The following KCNMA1 variants were observed in gnomAD, a reference collection of about 807,000 sequenced individuals.
The protein encoded by KCNMA1 is potassium calcium-activated channel subfamily M alpha 1, also known as Calcium-activated potassium channel subunit alpha-1.
In KCNMA1, 29 loss-of-function variants were observed where a neutral mutation model predicts 140.0. The observed-to-expected ratio is 0.21, with a 90% confidence interval of 0.15 to 0.28. The LOEUF is 0.28. Ranked by LOEUF, KCNMA1 falls within the 10% of genes least tolerant of loss-of-function variation. The pLI, the probability that KCNMA1 is intolerant of heterozygous loss-of-function variation, is 1.00. For missense variants in KCNMA1, 880 were observed against 1,602.2 expected, an observed-to-expected ratio of 0.55 and a Z score of 7.70; for synonymous variants, 612 against 611.9, an observed-to-expected ratio of 1.00 and a Z score of 0.00.
intron 5 of KCNMA1, among the ~76,000 whole-genome samples, chr10:77,134,452 ACTATTTTAT>A (rs2097934890): frequency 6.6e-6 from 1 of 152,140 alleles, no homozygotes; most frequent in Non-Finnish European, 1.5e-5. Flanking sequence ...ATTAAATGAA[ACTATTTTAT>A]CTTAACTTGG....
chr10:77,086,669 T>A, intron 10 of KCNMA1, 76 bp from the exon 11 acceptor site: 1 of 1,020,548 alleles, frequency 9.8e-7, no homozygotes, highest in Non-Finnish European at 1.5e-6. Flanking sequence ...CCTTCCTCTC[T>A]AATTTCCACA....
chr10:77,424,667 G>A (rs142424652), intron 1 of KCNMA1, among the ~76,000 whole-genome samples: 1 of 152,154 alleles, frequency 6.6e-6, no homozygotes, highest in African/African-American at 2.4e-5. Context: ...ACTAAATCAA[G>A]GTAGAATATG....
chr10:77,562,890 C>T lies in KCNMA1; in HGVS notation c.378+74375G>A, dbSNP rs564256911. Among the ~76,000 whole-genome samples the T allele has an allele frequency of 2.8e-4, 43 of 152,282 alleles. No homozygotes were observed. In the East Asian group the frequency reaches 7.7e-3, roughly 27 times the overall value. ...CATCTTAACAAAGTAGACATTGCAA[C>T]GCAATAAAGTAGTGAGACTCATGGT... On this transcript the variant is annotated intron_variant, in intron 1 of 27. Transcript: ENST00000286628.
chr10:77,237,059 C>T (rs1335776779), intron 3 of KCNMA1, among the ~76,000 whole-genome samples: 1 of 152,214 alleles, frequency 6.6e-6, no homozygotes, highest in Non-Finnish European at 1.5e-5. Context: ...CTCTTTACTG[C>T]CTTACAATAC....
intron 1 of KCNMA1, among the ~76,000 whole-genome samples, chr10:77,552,217 G>A (rs1031894927): frequency 5.9e-5 from 9 of 152,182 alleles, no homozygotes; most frequent in African/African-American, 7.2e-5. Flanking sequence ...CCTGAGGGCC[G>A]TGGCTGCCTG....
chr10:77,570,960 T>A lies in KCNMA1; in HGVS notation c.378+66305A>T, dbSNP rs565101182. ...AAAAAAAAATACTTTCTTTGATATA[T>A]CTTTATGAGAATTGCTATCTTAATG... On this transcript the variant is annotated intron_variant, in intron 1 of 27. Coordinates refer to ENST00000286628, the MANE Select transcript of KCNMA1 (RefSeq NM_001161352.2). Among the ~76,000 whole-genome samples, 39 of 152,076 alleles carry A rather than the reference T, an allele frequency of 2.6e-4. 2 individuals carry two copies. In the South Asian group the frequency reaches 7.7e-3, roughly 30 times the overall value.
At chr10:77,008,320 A>T in intron 18 of KCNMA1, 2 of 921,298 alleles carry the variant, frequency 2.2e-6, no homozygotes, top group Non-Finnish European at 3.2e-6. Context: ...CAAACTAGAC[A>T]TTACTTGTCC....
intron 2 of KCNMA1, among the ~76,000 whole-genome samples, chr10:77,296,914 G>GA (rs553150841): frequency 6.7e-6 from 1 of 149,904 alleles, no homozygotes; most frequent in Non-Finnish European, 1.5e-5. Context: ...TGTGTGGGCG[G>GA]GGGGGCGGTG....
chr10:76,888,042 G>A (rs2038027945), intron 27 of KCNMA1: 1 of 173,096 alleles, frequency 5.8e-6, no homozygotes, highest in Admixed American at 5.4e-5. Flanking sequence ...CTACTTATCA[G>A]CACTACTTTG....
chr10:77,270,608 G>A (rs937369049), intron 2 of KCNMA1, among the ~76,000 whole-genome samples: 3 of 149,476 alleles, frequency 2.0e-5, no homozygotes, highest in Non-Finnish European at 4.4e-5. Flanking sequence ...TGCAACCTCT[G>A]CCTCCTGGGT....
chr10:77,567,380 A>C (rs1252576819), intron 1 of KCNMA1, among the ~76,000 whole-genome samples: 1 of 152,212 alleles, frequency 6.6e-6, no homozygotes, highest in Non-Finnish European at 1.5e-5. Context: ...TCTGGCTGGC[A>C]GCCTACCTTT....
chr10:77,532,929 T>C (rs187634008), intron 1 of KCNMA1, among the ~76,000 whole-genome samples: 35 of 152,298 alleles, frequency 2.3e-4, no homozygotes, highest in Non-Finnish European at 3.8e-4. Context: ...CATGCCTCTC[T>C]GAGTATGTTC....
chr10:77,471,906 A>G (rs1008248784), intron 1 of KCNMA1, among the ~76,000 whole-genome samples: 1 of 151,142 alleles, frequency 6.6e-6, no homozygotes, highest in African/African-American at 2.5e-5. Flanking sequence ...TGGTATACAC[A>G]CACTATACAC....
intron 14 of KCNMA1, among the ~76,000 whole-genome samples, chr10:77,048,020 C>T (rs571321210): frequency 2.7e-4 from 41 of 151,854 alleles, no homozygotes; most frequent in African/African-American, 8.0e-4. Context: ...CACTGGCTCA[C>T]GCCTGTAATC....
intron 3 of KCNMA1, among the ~76,000 whole-genome samples, chr10:77,195,466 C>T (rs1234345354): frequency 6.6e-6 from 1 of 152,068 alleles, no homozygotes; most frequent in African/African-American, 2.4e-5. Flanking sequence ...ACTTATTAAC[C>T]CCTATGATTA....
At position 77,366,359 on chromosome 10, in the gene KCNMA1, G is replaced by A. The variant is rs1163411573; in HGVS notation, c.540+37503C>T. On this transcript the variant is annotated intron_variant, in intron 2 of 27. Coordinates refer to ENST00000286628, the MANE Select transcript of KCNMA1 (RefSeq NM_001161352.2). ...AATTTTTGTATCTTTATTAGAGACAGGGTTTCACCTTGTTGACCAGGCTGG... is the reference window on the plus strand; with the variant it reads ...AATTTTTGTATCTTTATTAGAGACAAGGTTTCACCTTGTTGACCAGGCTGG... Among the ~76,000 whole-genome samples the A allele has an allele frequency of 2.0e-5, 3 of 152,160 alleles. No individual in the cohort carries two copies. The East Asian group carries it at 5.8e-4, about 29-fold the overall frequency.
chr10:77,069,826 T>C (rs1168108393), intron 14 of KCNMA1, among the ~76,000 whole-genome samples: 1 of 152,140 alleles, frequency 6.6e-6, no homozygotes, highest in Non-Finnish European at 1.5e-5. Context: ...TTTCTTTCTT[T>C]TTTGGAGACG....
chr10:77,175,111 T>C (rs1158524216), intron 5 of KCNMA1, among the ~76,000 whole-genome samples: 1 of 152,116 alleles, frequency 6.6e-6, no homozygotes, highest in East Asian at 1.9e-4. Flanking sequence ...TTCTGATCCC[T>C]GGGTCTCGGT....
chr10:77,318,243 C>G (rs941900743), intron 2 of KCNMA1, among the ~76,000 whole-genome samples: 3 of 152,160 alleles, frequency 2.0e-5, no homozygotes, highest in Non-Finnish European at 4.4e-5. Context: ...ATTTTACCTG[C>G]ATTTTCACTT....
Sources: allele counts gnomAD v4.1 joint callset (sites outside exome capture counted in the v4.1 genomes callset), GRCh38; gene constraint gnomAD v4.1.1; transcripts MANE v1.5; gene names NCBI Gene and HGNC (gene_info 2026-07-23, HGNC 2026-07-21).